The following TENT4B variants were observed in gnomAD, a reference collection of about 807,000 sequenced individuals.
TENT4B encodes PAP associated domain containing 5.
In TENT4B, 10 loss-of-function variants were observed where a neutral mutation model predicts 75.0. The ratio of observed to expected loss-of-function variants is 0.13; its 90% CI spans 0.08 to 0.23. The LOEUF is 0.23. Ranked by LOEUF, TENT4B falls within the 10% of genes least tolerant of loss-of-function variation. The pLI, the probability that TENT4B is intolerant of heterozygous loss-of-function variation, is 1.00. For synonymous variants in TENT4B, 350 were observed against 357.7 expected (o/e 0.98, Z 0.24); for missense variants, 579 against 893.8 (o/e 0.65, Z 4.49).
At chr16:50,187,348 C>T (rs566114793) in intron 1 of TENT4B, among the ~76,000 whole-genome samples, 2 of 152,272 alleles carry the variant, frequency 1.3e-5, no homozygotes, top group East Asian at 1.9e-4. Context: ...TTGGGGAGGC[C>T]GAGGCGGATG....
chr16:50,167,979 T>C (rs958485449), intron 1 of TENT4B, among the ~76,000 whole-genome samples: 1 of 151,980 alleles, frequency 6.6e-6, no homozygotes, highest in Non-Finnish European at 1.5e-5. Context: ...ATTTTTAAAA[T>C]ATGGTGTGAG....
At chr16:50,184,551 C>G (rs904264466) in intron 1 of TENT4B, among the ~76,000 whole-genome samples, 1 of 152,214 alleles carries the variant, frequency 6.6e-6, no homozygotes, top group South Asian at 2.1e-4. Flanking sequence ...CCTATAGTCC[C>G]AGCTACGCAG....
intron 1 of TENT4B, among the ~76,000 whole-genome samples, chr16:50,201,474 T>A (rs965414512): frequency 6.6e-6 from 1 of 151,578 alleles, no homozygotes; most frequent in Non-Finnish European, 1.5e-5. Flanking sequence ...GAGGCAGAGG[T>A]TGCAGTGAGC....
chr16:50,225,872 C>T (rs1393571668), intron 10 of TENT4B, among the ~76,000 whole-genome samples: 8 of 151,058 alleles, frequency 5.3e-5, no homozygotes, highest in South Asian at 2.1e-4. Flanking sequence ...TTAGTAGAGA[C>T]GGGGTTTCAC....
intron 1 of TENT4B, among the ~76,000 whole-genome samples, chr16:50,179,570 T>C (rs1567486974): frequency 6.6e-6 from 1 of 152,160 alleles, no homozygotes; most frequent in South Asian, 2.1e-4. Flanking sequence ...GCAGAAGATA[T>C]TCATGCATTA....
chr16:50,201,508 A>G (rs2030647417), intron 1 of TENT4B, among the ~76,000 whole-genome samples: 1 of 150,696 alleles, frequency 6.6e-6, no homozygotes, highest in Non-Finnish European at 1.5e-5. Flanking sequence ...CTGCACTCCA[A>G]CCTTGGCGAT....
intron 1 of TENT4B, among the ~76,000 whole-genome samples, chr16:50,190,217 C>T (rs372859674): frequency 3.9e-5 from 6 of 151,952 alleles, no homozygotes; most frequent in African/African-American, 9.7e-5. Flanking sequence ...AGTTCTTCAG[C>T]GATGTATCTC....
At chr16:50,222,524 C>A in intron 6 of TENT4B, 90 bp downstream of exon 6, 1 of 1,375,916 alleles carries the variant, frequency 7.3e-7, no homozygotes, top group South Asian at 1.3e-5. Flanking sequence ...TCGAAATCAA[C>A]CTGTAATTGC....
At chr16:50,218,421 C>G (rs1029023646) in intron 5 of TENT4B, among the ~76,000 whole-genome samples, 2 of 152,020 alleles carry the variant, frequency 1.3e-5, no homozygotes, top group African/African-American at 4.8e-5. Flanking sequence ...ACTGCCACCT[C>G]CGCCTCCCGG....
chr16:50,192,584 C>A (rs921172818), intron 1 of TENT4B, among the ~76,000 whole-genome samples: 1 of 152,106 alleles, frequency 6.6e-6, no homozygotes, highest in Non-Finnish European at 1.5e-5. Context: ...TTACCAGGGG[C>A]AGCAGACTTT....
chr16:50,166,542 C>G (rs960812718), intron 1 of TENT4B, among the ~76,000 whole-genome samples: 1 of 152,140 alleles, frequency 6.6e-6, no homozygotes, highest in Admixed American at 6.6e-5. Context: ...GGAGAAATAT[C>G]TATTCAAATC....
At chr16:50,157,321 T>C (rs966128693) in intron 1 of TENT4B, among the ~76,000 whole-genome samples, 2 of 152,244 alleles carry the variant, frequency 1.3e-5, no homozygotes, top group South Asian at 4.1e-4. Context: ...CCTAAGTCCT[T>C]GATGTTTTTG....
chr16:50,185,519 A>T (rs967418872), intron 1 of TENT4B, among the ~76,000 whole-genome samples: 16 of 152,182 alleles, frequency 1.1e-4, no homozygotes, highest in African/African-American at 3.9e-4. Context: ...TCAATGGGTC[A>T]TCTGTTCATT....
chr16:50,230,414 T>A lies in TENT4B; in HGVS notation c.*1086T>A. 1.0e-6 allele frequency: 1 copy of A among 985,844 alleles called. No homozygotes were observed. Among genetic ancestry groups the A allele is most frequent in the Non-Finnish European group, 1.2e-6 (1 of 829,926 alleles). The allele number at this position is 985,844 out of a possible 1,614,324, so 61.1% of individuals were successfully genotyped here. A position where few individuals can be genotyped will look rare whatever the true frequency, so the allele number is the denominator to read the frequency against. ...TCTAACCCTGTGTGCTGCGTGTGCC[T>A]GTTTCTCATCTCTTATTCTTTTTAA... On this transcript the variant is annotated 3_prime_UTR_variant, in exon 12 of 12. Coordinates refer to ENST00000561678, the MANE Select transcript of TENT4B (RefSeq NM_001365324.3).
chr16:50,196,506 CAT>C (rs2030262744), intron 1 of TENT4B, among the ~76,000 whole-genome samples: 2 of 146,044 alleles, frequency 1.4e-5, no homozygotes, highest in Non-Finnish European at 2.9e-5. Context: ...TCATCATCAT[CAT>C]CATCATCATC....
At chr16:50,194,971 G>A (rs942828216) in intron 1 of TENT4B, among the ~76,000 whole-genome samples, 8 of 151,642 alleles carry the variant, frequency 5.3e-5, no homozygotes, top group Admixed American at 3.9e-4. Flanking sequence ...GGATGGTCTC[G>A]ATCTCCTGAC....
chr16:50,229,390 AGGGACTCCTGGGAG>A lies in TENT4B; in HGVS notation c.*63_*76del, dbSNP rs2032199871. ...GATCTCATGCTCAGGACAGTTGCGC[AGGGACTCCTGGGAG>A]ATATTCAGGAGCCTCACACTGTTCA... On this transcript the variant is annotated 3_prime_UTR_variant, in exon 12 of 12. Coordinates refer to ENST00000561678, the MANE Select transcript of TENT4B (RefSeq NM_001365324.3). 1 of 1,531,958 alleles carries A rather than the reference AGGGACTCCTGGGAG, an allele frequency of 6.5e-7. No individual in the cohort carries two copies. Among genetic ancestry groups the A allele is most frequent in the Non-Finnish European group, 8.7e-7 (1 of 1,145,072 alleles). 94.9% of individuals were successfully genotyped at this position (1,531,958 alleles called of 1,614,324 possible).
rs887583085 is a variant in TENT4B at position 50,154,014 on chromosome 16, G to C, written c.393G>C (p.Ser131=). ...WARRAGSSAS[S]PPSASSSPHP... ...GCCGGGCGGGCTCCTCGGCGTCCTC[G>C]CCTCCCTCGGCGTCCTCGTCCCCGC... Residue 131 remains serine, a synonymous_variant, in exon 1 of 12, where the codon TCG becomes TCC. Coordinates refer to ENST00000561678, the MANE Select transcript of TENT4B (RefSeq NM_001365324.3). The C allele has an allele frequency of 2.2e-5, 33 of 1,533,312 alleles. No individual in the cohort carries two copies. The highest frequency in any genetic ancestry group is 2.9e-5 in the Non-Finnish European group (33 of 1,145,778). The allele number at this position is 1,533,312 out of a possible 1,614,324, so 95.0% of individuals were successfully genotyped here. A position where few individuals can be genotyped will look rare whatever the true frequency, so the allele number is the denominator to read the frequency against.
At chr16:50,209,212 G>C (rs1191790700) in intron 1 of TENT4B, among the ~76,000 whole-genome samples, 1 of 152,108 alleles carries the variant, frequency 6.6e-6, no homozygotes, top group African/African-American at 2.4e-5. Flanking sequence ...ATCTGCTTTA[G>C]AACTACAAAT....
Sources: allele counts gnomAD v4.1 joint callset (sites outside exome capture counted in the v4.1 genomes callset), GRCh38; gene constraint gnomAD v4.1.1; transcripts MANE v1.5; gene names NCBI Gene and HGNC (gene_info 2026-07-23, HGNC 2026-07-21).